STIM1: variants seen among roughly 807,000 people sequenced by gnomAD.
STIM1 encodes stromal interaction molecule 1.
STIM1 carries 25 observed loss-of-function variants against 74.7 expected under a neutral mutation model. The ratio of observed to expected loss-of-function variants is 0.33; its 90% CI spans 0.24 to 0.47. The LOEUF is 0.47. Ranked by LOEUF, STIM1 falls within the 20% of genes least tolerant of loss-of-function variation. The probability of loss-of-function intolerance (pLI) is 1.00; values close to 1 mark genes in which losing one functional copy is unlikely to be tolerated. For missense variants in STIM1, 728 were observed against 920.8 expected (o/e 0.79, Z 2.71); for synonymous variants, 328 against 348.8 (o/e 0.94, Z 0.66).
intron 1 of STIM1, chr11:3,892,399 T>C (rs1312565836): frequency 7.0e-7 from 1 of 1,433,408 alleles, no homozygotes; most frequent in Non-Finnish European, 9.8e-7. Context: ...TTATTAAGAG[T>C]TGTCCACAGT....
intron 1 of STIM1, among the ~76,000 whole-genome samples, chr11:3,927,036 G>T (rs1337863024): frequency 6.6e-6 from 1 of 152,144 alleles, no homozygotes; most frequent in Non-Finnish European, 1.5e-5. Context: ...TTTTAAGGTT[G>T]CTATGAAAAA....
chr11:3,941,495 C>T (rs1423842155), intron 1 of STIM1, among the ~76,000 whole-genome samples: 1 of 151,812 alleles, frequency 6.6e-6, no homozygotes, highest in African/African-American at 2.4e-5. Context: ...ATGTGTAGGA[C>T]TTGGGCAGCC....
chr11:3,965,597 C>G (rs779157467), intron 1 of STIM1, among the ~76,000 whole-genome samples: 14 of 152,306 alleles, frequency 9.2e-5, no homozygotes, highest in African/African-American at 3.4e-4. Flanking sequence ...CCCTAAGTTC[C>G]CACTACCCCT....
chr11:3,942,200 C>G (rs986465806), intron 1 of STIM1, among the ~76,000 whole-genome samples: 1 of 152,072 alleles, frequency 6.6e-6, no homozygotes, highest in Non-Finnish European at 1.5e-5. Flanking sequence ...GGTGTGTGAT[C>G]GAGTTAGTAG....
At chr11:4,007,897 C>T (rs1476719790) in intron 2 of STIM1, among the ~76,000 whole-genome samples, 1 of 152,040 alleles carries the variant, frequency 6.6e-6, no homozygotes, top group East Asian at 1.9e-4. Flanking sequence ...AGACTGTTGC[C>T]ATGTAGTCAT....
chr11:3,973,867 C>G (rs149786711), intron 2 of STIM1: 4 of 454,206 alleles, frequency 8.8e-6, no homozygotes, highest in Non-Finnish European at 1.6e-5. Context: ...GCACATGCCA[C>G]CATACCCAGC....
At chr11:3,972,672 A>G (rs2093408130) in intron 2 of STIM1, among the ~76,000 whole-genome samples, 1 of 152,162 alleles carries the variant, frequency 6.6e-6, no homozygotes, top group South Asian at 2.1e-4. Flanking sequence ...ATATTGTCTA[A>G]AACATGTCTT....
chr11:3,921,508 A>C lies in STIM1; in HGVS notation c.140-46044A>C, dbSNP rs192074697. Among the ~76,000 whole-genome samples, 255 of 152,334 alleles carry C rather than the reference A, an allele frequency of 1.7e-3. 4 individuals are homozygous for C. Among genetic ancestry groups the C allele is most frequent in the African/African-American group, 5.8e-3 (241 of 41,564 alleles). ...TATATTACGTTGACAACATCATGCT[A>C]ACCAGACAGCATTAGCACACTGGAG... On this transcript the variant is annotated intron_variant, in intron 1 of 12. Transcript: ENST00000526596.
At chr11:3,973,463 G>T in intron 2 of STIM1, 1 of 285,646 alleles carries the variant, frequency 3.5e-6, no homozygotes, top group South Asian at 4.0e-5. Context: ...GCAGTGGTGT[G>T]AACACAGCTC....
intron 1 of STIM1, among the ~76,000 whole-genome samples, chr11:3,871,759 T>C (rs911183615): frequency 6.6e-6 from 1 of 152,220 alleles, no homozygotes; most frequent in Non-Finnish European, 1.5e-5. Context: ...AAGAATTAGG[T>C]AGGCTTAGTT....
At chr11:4,030,284 G>A (rs1017666291) in intron 3 of STIM1, among the ~76,000 whole-genome samples, 2 of 147,972 alleles carry the variant, frequency 1.4e-5, no homozygotes, top group South Asian at 2.1e-4. Flanking sequence ...AGCTGAGATC[G>A]CAACTTCACT....
intron 1 of STIM1, among the ~76,000 whole-genome samples, chr11:3,937,117 C>T (rs1327965298): frequency 6.6e-6 from 1 of 151,602 alleles, no homozygotes; most frequent in African/African-American, 2.4e-5. Flanking sequence ...ATGGCAAAAC[C>T]CCATCTCTAC....
intron 2 of STIM1, among the ~76,000 whole-genome samples, chr11:3,971,671 A>C (rs190435352): frequency 1.6e-3 from 238 of 152,304 alleles, no homozygotes; most frequent in Non-Finnish European, 2.7e-3. Flanking sequence ...GGAACCAATG[A>C]TCCCTTTTAC....
At chr11:3,982,168 A>AT (rs58444550) in intron 2 of STIM1, among the ~76,000 whole-genome samples, 60,758 of 151,428 alleles carry the variant, frequency 0.4, 13,425 homozygotes, top group Admixed American at 0.5. Flanking sequence ...CTGGGACTAC[A>AT]GGTGCACGCC....
chr11:3,984,622 CT>C (rs2093540243), intron 2 of STIM1, among the ~76,000 whole-genome samples: 1 of 152,204 alleles, frequency 6.6e-6, no homozygotes, highest in Non-Finnish European at 1.5e-5. Flanking sequence ...ACATTCAGTC[CT>C]AACTTTTGTG....
At chr11:3,911,785 A>G (rs2092565983) in intron 1 of STIM1, among the ~76,000 whole-genome samples, 2 of 152,082 alleles carry the variant, frequency 1.3e-5, no homozygotes, top group Admixed American at 6.5e-5. Context: ...CAGGCAGTCT[A>G]TTCTACTGTT....
At chr11:4,018,117 C>T (rs2093916461) in intron 2 of STIM1, among the ~76,000 whole-genome samples, 1 of 151,808 alleles carries the variant, frequency 6.6e-6, no homozygotes. Context: ...GAGTTCAAGA[C>T]CAGCCTGACT....
intron 12 of STIM1, chr11:4,088,764 A>G (rs1398529777): frequency 6.5e-7 from 1 of 1,535,202 alleles, no homozygotes; most frequent in Non-Finnish European, 8.7e-7. Context: ...TGGGAGTCCG[A>G]GGCAGCCCAG....
rs1451959078 is a variant in STIM1, at chr11:4,073,553, G to GCGATAAAT, written c.792-948_792-947insGATAAATC. 1.6e-4 allele frequency among the ~76,000 whole-genome samples: 24 copies of GCGATAAAT among 152,320 alleles called. No homozygotes were observed. The South Asian group carries it at 4.4e-3, about 28-fold the overall frequency. On this transcript the variant is annotated intron_variant, in intron 6 of 12. Transcript: ENST00000526596. ...TCTGATTTATCGCCACGTATTTAGG[G>GCGATAAAT]CTTAGCACAGGGCTTGGCACTTAGT... is the stretch of plus-strand genomic sequence containing the variant.
Sources: allele counts gnomAD v4.1 joint callset (sites outside exome capture counted in the v4.1 genomes callset), GRCh38; gene constraint gnomAD v4.1.1; transcripts MANE v1.5; gene names NCBI Gene and HGNC (gene_info 2026-07-23, HGNC 2026-07-21).